The following RTCB variants were observed in gnomAD, a reference collection of about 807,000 sequenced individuals.
The protein encoded by RTCB is RNA-splicing ligase RTCB.
A neutral mutation model predicts 58.2 loss-of-function variants in RTCB; 32 were observed. The observed-to-expected ratio is 0.55, with a 90% CI of 0.41 to 0.74. RTCB has a LOEUF of 0.74. RTCB is among the 30% of genes least tolerant of loss of function. The pLI is 0.00. For missense variants in RTCB, 523 were observed against 639.0 expected, an observed-to-expected ratio of 0.82 and a Z score of 1.96; for synonymous variants, 247 against 218.6, an observed-to-expected ratio of 1.13 and a Z score of -1.15.
chr22:32,394,808 A>C (rs1933216375), intron 9 of RTCB, among the ~76,000 whole-genome samples: 1 of 151,824 alleles, frequency 6.6e-6, no homozygotes, highest in African/African-American at 2.4e-5. Context: ...AGTAAAATAC[A>C]CTTCCTGCAG....
chr22:32,390,726 G>T (rs1375965134), intron 11 of RTCB, among the ~76,000 whole-genome samples: 1 of 152,120 alleles, frequency 6.6e-6, no homozygotes, highest in Non-Finnish European at 1.5e-5. Flanking sequence ...GGGATTACAG[G>T]CCTGAGCCAC....
At chr22:32,408,718 T>A (rs1933469597) in intron 2 of RTCB, 37 bp downstream of exon 2, 1 of 1,460,992 alleles carries the variant, frequency 6.8e-7, no homozygotes, top group East Asian at 2.3e-5. Flanking sequence ...GGGAAGGCAC[T>A]ACCGTACTAA....
At position 32,387,941 on chromosome 22, in the gene RTCB, T is replaced by G. The variant is rs1383682151; in HGVS notation, c.*51A>C. 7 of 1,203,312 alleles carry G rather than the reference T, an allele frequency of 5.8e-6. No homozygotes were observed. Among genetic ancestry groups the G allele is most frequent in the Non-Finnish European group, 8.7e-6 (7 of 807,758 alleles). 74.5% of individuals were successfully genotyped at this position (1,203,312 alleles called of 1,614,324 possible). ...ATGTCAGAAGAGCATGTCAGTCCAC[T>G]TCCACTTCAGAGAGGGTTGGTGGTG... On this transcript the variant is annotated 3_prime_UTR_variant, in exon 12 of 12. Coordinates refer to ENST00000216038, the MANE Select transcript of RTCB (RefSeq NM_014306.5).
Position 32,402,584 on chromosome 22 carries a change from A to G in RTCB, c.341-681T>C, listed in dbSNP as rs5754069. On this transcript the variant is annotated intron_variant, in intron 4 of 11. Transcript: ENST00000216038. ...CCTGCCTCAGCCTCCCGAATAGCTG[A>G]GATTACAGGCGTGCGCCACCACACC... Among the ~76,000 whole-genome samples, 1,390 of 134,226 alleles carry G rather than the reference A, an allele frequency of 0.01. 28 individuals carry two copies. The East Asian group carries it at 0.12, about 11-fold the overall frequency. The allele number at this position is 134,226 out of a possible 152,430, so 88.1% of individuals were successfully genotyped here.
At chr22:32,412,026 G>C in intron 1 of RTCB, 38 bp downstream of exon 1, 3 of 1,537,250 alleles carry the variant, frequency 2.0e-6, no homozygotes, top group Non-Finnish European at 2.7e-6. Context: ...GCCGGGGACG[G>C]AGCACGGAAG....
chr22:32,401,842 A>G lies in RTCB; in HGVS notation c.402T>C (p.Ser134=). 2 of 1,614,146 alleles carry G rather than the reference A, an allele frequency of 1.2e-6. No individual in the cohort carries two copies. The highest frequency in any genetic ancestry group is 1.7e-6 in the Non-Finnish European group (2 of 1,179,978). The change falls in exon 5 of 12, where the codon AGT becomes AGC. Residue 134 remains serine, a synonymous_variant. Transcript: ENST00000216038. The part of the protein sequence containing the change: ...VRLLRTNLDE[S]DVQPVKEQLA... ...GTTGCTCCTTCACAGGCTGGACATC[A>G]CTTTCATCTAAATTGGTTCTTAGCA...
At chr22:32,388,382 A>C (rs1933095207) in intron 11 of RTCB, among the ~76,000 whole-genome samples, 1 of 152,172 alleles carries the variant, frequency 6.6e-6, no homozygotes, top group Non-Finnish European at 1.5e-5. Context: ...AAGTAAATAA[A>C]ACACACACCA....
intron 9 of RTCB, among the ~76,000 whole-genome samples, chr22:32,394,582 G>A (rs1460480212): frequency 1.3e-5 from 2 of 152,186 alleles, no homozygotes; most frequent in Admixed American, 6.5e-5. Context: ...GTAGAGAAGT[G>A]TTGCTAGAAC....
At chr22:32,401,635 G>C in intron 5 of RTCB, 112 bp downstream of exon 5, 1 of 1,229,208 alleles carries the variant, frequency 8.1e-7, no homozygotes, top group Non-Finnish European at 1.1e-6. Context: ...ACTACTTCCT[G>C]AAAAGTAACT....
chr22:32,398,158 A>C, intron 6 of RTCB, 58 bp from the exon 7 acceptor site: 2 of 1,551,480 alleles, frequency 1.3e-6, no homozygotes, highest in Non-Finnish European at 1.7e-6. Context: ...TTTTTAATCT[A>C]TTTAAAAACC....
Position 32,395,055 on chromosome 22 carries a change from G to C in RTCB, c.1150C>G (p.His384Asp). The change falls in exon 9 of 12, where the codon CAC becomes GAC. Residue 384 changes from histidine to aspartate, a missense_variant. Coordinates refer to ENST00000216038, the MANE Select transcript of RTCB (RefSeq NM_014306.5). Reference protein sequence around the residue: ...RKGSTRAFPPHHPLIAVDYQL... With the variant: ...RKGSTRAFPPDHPLIAVDYQL... ...TAATCAACAGCAATGAGGGGATGGT[G>C]AGGAGGGAAAGCGCGGGTGGATCCC... 1.2e-6 allele frequency: 2 copies of C among 1,614,136 alleles called. No homozygotes were observed. Among genetic ancestry groups the C allele is most frequent in the Non-Finnish European group, 1.7e-6 (2 of 1,179,996 alleles).
chr22:32,392,599 G>A (rs568543313), intron 10 of RTCB: 56 of 648,448 alleles, frequency 8.6e-5, no homozygotes, highest in Middle Eastern at 7.4e-4. Context: ...AGCATCCCTC[G>A]CCTCTAAGAC....
At chr22:32,407,254 A>G (rs1933441086) in intron 3 of RTCB, 1 of 157,534 alleles carries the variant, frequency 6.3e-6, no homozygotes, top group African/African-American at 2.4e-5. Context: ...TGCAGGTCAA[A>G]CACAGGATAT....
Position 32,401,991 on chromosome 22 carries a change from C to A in RTCB, c.341-88G>T. 3.8e-6 allele frequency: 5 copies of A among 1,302,434 alleles called. No individual in the cohort carries two copies. The South Asian group carries it at 4.3e-5, about 11-fold the overall frequency. 80.7% of individuals were successfully genotyped at this position (1,302,434 alleles called of 1,614,324 possible). A position where few individuals can be genotyped will look rare whatever the true frequency, so the allele number is the denominator to read the frequency against. ...CCATTAATATGGAACTATAAAGATA[C>A]CCATTCTTTTAAAGATAACTATGTT... On this transcript the variant is annotated intron_variant, in intron 4 of 11. Transcript: ENST00000216038.
chr22:32,403,104 C>A (rs1933364613), intron 4 of RTCB, among the ~76,000 whole-genome samples: 1 of 151,706 alleles, frequency 6.6e-6, no homozygotes, highest in Non-Finnish European at 1.5e-5. Flanking sequence ...AAATAAATGG[C>A]AAATAAAAAC....
intron 4 of RTCB, among the ~76,000 whole-genome samples, chr22:32,405,966 T>C (rs1365581551): frequency 1.3e-5 from 2 of 152,196 alleles, no homozygotes; most frequent in Non-Finnish European, 2.9e-5. Context: ...CTGAATATGT[T>C]CTACCTGCTT....
At chr22:32,403,131 G>C (rs1933365138) in intron 4 of RTCB, among the ~76,000 whole-genome samples, 1 of 152,132 alleles carries the variant, frequency 6.6e-6, no homozygotes, top group Non-Finnish European at 1.5e-5. Context: ...TATTGGCAGG[G>C]TGCAGGGGCT....
At chr22:32,388,563 G>A (rs1175488211) in intron 11 of RTCB, among the ~76,000 whole-genome samples, 3 of 152,136 alleles carry the variant, frequency 2.0e-5, no homozygotes, top group Non-Finnish European at 4.4e-5. Flanking sequence ...ATTCATATAT[G>A]TATAAAACAA....
intron 4 of RTCB, among the ~76,000 whole-genome samples, chr22:32,406,391 C>T (rs892083356): frequency 2.0e-5 from 3 of 151,944 alleles, no homozygotes; most frequent in Admixed American, 6.6e-5. Flanking sequence ...GGCACGAACT[C>T]GGCTCACTGC....
Sources: gnomAD v4.1 joint callset for allele counts (sites outside exome capture counted in the v4.1 genomes callset) on GRCh38, gnomAD v4.1.1 for gene constraint, MANE v1.5 for transcripts, NCBI Gene and HGNC (gene_info 2026-07-23, HGNC 2026-07-21) for gene names.